The following EML3 variants were observed in gnomAD, a reference collection of about 807,000 sequenced individuals.
The protein encoded by EML3 is echinoderm microtubule-associated protein-like 3.
Under a neutral mutation model 106.7 loss-of-function variants are expected in EML3, and 53 were observed. The observed-to-expected ratio is 0.50, with a 90% confidence interval of 0.40 to 0.62. The LOEUF is 0.62. Ranked by LOEUF, EML3 falls within the 20% of genes least tolerant of loss-of-function variation. EML3 has a pLI of 0.00. For missense variants in EML3, 994 were observed against 1,209.1 expected, an observed-to-expected ratio of 0.82 and a Z score of 2.64; for synonymous variants, 499 against 489.6, an observed-to-expected ratio of 1.02 and a Z score of -0.25.
Position 62,611,504 on chromosome 11 carries a change from C to A in EML3, c.115G>T (p.Glu39Ter). 1 of 1,613,758 alleles carries A rather than the reference C, an allele frequency of 6.2e-7. No homozygotes were observed. The highest frequency in any genetic ancestry group is 8.5e-7 in the Non-Finnish European group (1 of 1,179,960). ...TGCAGCCGCAGCAGGCGAAGGGCTT[C>A]TGCCAGGGCTGCCTTTACCAGTTCC... ...EMELVKAALA[E>*]ALRLLRLQVP... Residue 39 changes from glutamate (E) to a stop codon, truncating the protein, a stop_gained, in exon 2 of 22, where the codon GAA (glutamate) becomes TAA (stop). Transcript: ENST00000394773. LOFTEE classifies it high-confidence loss of function.
intron 4 of EML3, among the ~76,000 whole-genome samples, chr11:62,610,287 A>G (rs1942744936): frequency 6.6e-6 from 1 of 152,212 alleles, no homozygotes; most frequent in African/African-American, 2.4e-5. Flanking sequence ...TTCAGAGAAT[A>G]AAGCACAGGC....
rs769678539 is a variant in EML3, at chr11:62,612,490, G to A, written c.-33C>T. ...CCGGGTTGCTCCGAGCGGCGGCGGCGGAGGAGGCGTCTAAGCCGCGGGGGC... is the reference window on the plus strand; with the variant it reads ...CCGGGTTGCTCCGAGCGGCGGCGGCAGAGGAGGCGTCTAAGCCGCGGGGGC... On this transcript the variant is annotated 5_prime_UTR_variant, in exon 1 of 22. Coordinates refer to ENST00000394773, the MANE Select transcript of EML3 (RefSeq NM_153265.3). 2 of 1,400,216 alleles carry A rather than the reference G, an allele frequency of 1.4e-6. No individual in the cohort carries two copies. Among genetic ancestry groups the A allele is most frequent in the Admixed American group, 3.3e-5 (1 of 30,308 alleles). The allele number at this position is 1,400,216 out of a possible 1,614,324, so 86.7% of individuals were successfully genotyped here.
intron 11 of EML3, 36 bp downstream of exon 11, chr11:62,607,630 G>C: frequency 6.3e-7 from 1 of 1,594,420 alleles, no homozygotes; most frequent in Non-Finnish European, 8.6e-7. Context: ...CTTCCACTCT[G>C]CCCTCCCCAT....
At position 62,602,443 on chromosome 11, in the gene EML3, C is replaced by T. The variant is rs1218104193; in HGVS notation, c.*32G>A. 7.8e-6 allele frequency: 12 copies of T among 1,545,052 alleles called. 1 individual carries two copies. The South Asian group carries it at 1.4e-4, about 18-fold the overall frequency. Reference sequence around the variant, plus strand: ...AAGGGCAGGGCGGGGCGGGGCCACGCCGCCGGGCCAGTCGGTCCCGCCAGG... The same window carrying T: ...AAGGGCAGGGCGGGGCGGGGCCACGTCGCCGGGCCAGTCGGTCCCGCCAGG... On this transcript the variant is annotated 3_prime_UTR_variant, in exon 22 of 22. Coordinates refer to ENST00000394773, the MANE Select transcript of EML3 (RefSeq NM_153265.3).
chr11:62,603,903 C>A, intron 18 of EML3, 41 bp downstream of exon 18: 1 of 1,612,848 alleles, frequency 6.2e-7, no homozygotes, highest in Non-Finnish European at 8.5e-7. Flanking sequence ...CTGAGTTTCG[C>A]AGCTGTTATC....
rs1170431640 is a variant in EML3, at chr11:62,611,062, CGCCACAGG to C, written c.452+17_452+24del. 3 of 1,601,812 alleles carry C rather than the reference CGCCACAGG, an allele frequency of 1.9e-6. No individual in the cohort carries two copies. Among genetic ancestry groups the C allele is most frequent in the Non-Finnish European group, 2.5e-6 (3 of 1,177,666 alleles). Reference sequence around the variant, plus strand: ...CAATCCTACCACCCCTCCCAGCTTCCGCCACAGGGCCACAGGACACCTACGTGTCAGCA... The same window carrying C: ...CAATCCTACCACCCCTCCCAGCTTCCGCCACAGGACACCTACGTGTCAGCA... On this transcript the variant is annotated intron_variant, in intron 3 of 21. Transcript: ENST00000394773.
At position 62,607,059 on chromosome 11, in the gene EML3, A is replaced by C. The variant is rs749885464; in HGVS notation, c.1403T>G (p.Leu468Arg). The C allele has an allele frequency of 6.2e-7, 1 of 1,614,168 alleles. No individual in the cohort carries two copies. The highest frequency in any genetic ancestry group is 8.5e-7 in the Non-Finnish European group (1 of 1,180,018). ...TCCAGTGAGAATGTCTCCATCCGGA[A>C]GGAACACAAAGCAAGGGATAAACTT... Reference protein sequence around the residue: ...KPKFIPCFVFLPDGDILTGDS... With the variant: ...KPKFIPCFVFRPDGDILTGDS... Residue 468 changes from leucine (L) to arginine (R), a missense_variant, in exon 12 of 22, where the codon CTT becomes CGT. This residue lies in a region of EML3 where 713 missense variants were observed against 920.5 expected (regional missense o/e 0.77). Transcript: ENST00000394773.
chr11:62,606,351 C>G, intron 12 of EML3, 137 bp from the exon 13 acceptor site: 1 of 979,236 alleles, frequency 1.0e-6, no homozygotes, highest in Non-Finnish European at 1.5e-6. Context: ...CTCATACTGC[C>G]AACACATCTG....
intron 12 of EML3, 110 bp from the exon 13 acceptor site, chr11:62,606,324 GACT>G: frequency 1.6e-6 from 2 of 1,265,352 alleles, no homozygotes; most frequent in Non-Finnish European, 2.2e-6. Context: ...TGCATGCACT[GACT>G]ACTATGTCTC....
chr11:62,612,665 C>T lies in EML3; in HGVS notation c.-208G>A. 1 of 409,114 alleles carries T rather than the reference C, an allele frequency of 2.4e-6. No homozygotes were observed. Among genetic ancestry groups the T allele is most frequent in the Non-Finnish European group, 4.2e-6 (1 of 238,934 alleles). 25.3% of individuals were successfully genotyped at this position (409,114 alleles called of 1,614,324 possible). A position where few individuals can be genotyped will look rare whatever the true frequency, so the allele number is the denominator to read the frequency against. ...CCGCAGTCTCCAGACCCCCCCGGGC[C>T]CTCGGACTCTCCCGGGGCCGCTCTC... On this transcript the variant is annotated 5_prime_UTR_variant, in exon 1 of 22. Transcript: ENST00000394773.
chr11:62,609,553 CA>C lies in EML3; in HGVS notation c.634+75del, dbSNP rs1942707113. On this transcript the variant is annotated intron_variant, in intron 5 of 21. Coordinates refer to ENST00000394773, the MANE Select transcript of EML3 (RefSeq NM_153265.3). ...CAGAACCCTACCCACCACACCTACC[CA>C]AAATAGCTCCTGGGGCTACAGCCCA... 6 of 1,557,274 alleles carry C rather than the reference CA, an allele frequency of 3.9e-6. No individual in the cohort carries two copies. In the East Asian group the frequency reaches 1.4e-4, roughly 36 times the overall value.
intron 11 of EML3, chr11:62,607,401 C>T (rs191114344): frequency 2.0e-4 from 92 of 459,814 alleles, no homozygotes; most frequent in East Asian, 1.9e-3. Flanking sequence ...AAAAATCAGC[C>T]GGCGCGCATC....
chr11:62,608,878 G>C, intron 7 of EML3, 73 bp from the exon 8 acceptor site: 1 of 1,582,050 alleles, frequency 6.3e-7, no homozygotes, highest in Non-Finnish European at 8.6e-7. Context: ...CAAGCTTGCA[G>C]AGCAGCAAGG....
In EML3 at chr11:62,611,165, C is replaced by A; in HGVS notation, c.374G>T (p.Gly125Val). The A allele has an allele frequency of 6.2e-7, 1 of 1,604,102 alleles. No individual in the cohort carries two copies. Residue 125 changes from glycine (G) to valine (V), a missense_variant, in exon 3 of 22, where the codon GGC becomes GTC. By Grantham distance (109) the Gly-to-Val change is moderately radical. This residue lies in a region of EML3 where 269 missense variants were observed against 265.1 expected (regional missense o/e 1.01). Transcript: ENST00000394773. ...GGAGCCAGCACCACTGCTGCTGCTG[C>A]CCCCTCCTTCAGATTGGGTCCCGCT... Reference protein sequence around the residue: ...EPSGTQSEGGGSSSSGAGSPG... With the variant: ...EPSGTQSEGGVSSSSGAGSPG...
At position 62,610,951 on chromosome 11, in the gene EML3, C is replaced by A; in HGVS notation, c.494G>T (p.Arg165Leu). ...NSSSSSSPSE[R>L]PRQKLSRKAI... ...CTTCCTGGAGAGCTTCTGCCGAGGC[C>A]GCTCTGAGGGGGATGAGGAGGAGGA... Residue 165 changes from arginine to leucine, a missense_variant, in exon 4 of 22, where the codon CGG becomes CTG. By Grantham distance (102) the Arg-to-Leu change is moderately radical. Around this residue, in one of 3 missense-constraint regions of EML3, gnomAD observed 269 missense variants for 265.1 expected, o/e 1.01. Coordinates refer to ENST00000394773, the MANE Select transcript of EML3 (RefSeq NM_153265.3). The A allele has an allele frequency of 6.2e-7, 1 of 1,613,634 alleles. No homozygotes were observed. Among genetic ancestry groups the A allele is most frequent in the Non-Finnish European group, 8.5e-7 (1 of 1,179,900 alleles).
rs1942834996 is a variant in EML3 at position 62,611,642 on chromosome 11, G to C, written c.23-46C>G. 3.2e-6 allele frequency: 5 copies of C among 1,571,594 alleles called. No homozygotes were observed. In the East Asian group the frequency reaches 1.1e-4, roughly 36 times the overall value. On this transcript the variant is annotated intron_variant, in intron 1 of 21. Coordinates refer to ENST00000394773, the MANE Select transcript of EML3 (RefSeq NM_153265.3). ...ACTCAGAATGTACCCATCACCTGAA[G>C]AAAGCGTAGAGGGGATTCTGTCTCC... is the stretch of plus-strand genomic sequence containing the variant.
At position 62,605,855 on chromosome 11, in the gene EML3, C is replaced by G. The variant is rs771345450; in HGVS notation, c.1782G>C (p.Gln594His). ...CTCCCCTGAGCCCTTAACCCCCAAC[C>G]TGGATTACAGGGGAGAAGCCCTGGG... ...DLAQGFSPVI[Q>H]GHTDELWGLC... Residue 594 changes from glutamine to histidine, a missense_variant and splice_region_variant, in exon 14 of 22, where the codon CAG becomes CAC. Gln to His is a conservative substitution (Grantham distance 24). Around this residue, in one of 3 missense-constraint regions of EML3, gnomAD observed 713 missense variants for 920.5 expected, o/e 0.77. Transcript: ENST00000394773. This position sits in a 1 kb window ranked among gnomAD's most constrained non-coding sequence, Gnocchi z 5.2. 3 of 1,613,958 alleles carry G rather than the reference C, an allele frequency of 1.9e-6. No homozygotes were observed. Among genetic ancestry groups the G allele is most frequent in the African/African-American group, 2.7e-5 (2 of 74,936 alleles).
At chr11:62,608,504 G>A (rs370385281) in intron 9 of EML3, 38 bp downstream of exon 9, 2 of 1,587,930 alleles carry the variant, frequency 1.3e-6, no homozygotes, top group Non-Finnish European at 1.7e-6. Context: ...GGGTTCCTAG[G>A]CAAGAATGGG....
chr11:62,602,248 G>T lies in EML3; in HGVS notation c.*227C>A. Reference sequence around the variant, plus strand: ...TTTGGTTCTGGTTTATTGCCCCTCAGCAGGCAGCGGGAGTCAAGGCCTAGG... The same window carrying T: ...TTTGGTTCTGGTTTATTGCCCCTCATCAGGCAGCGGGAGTCAAGGCCTAGG... On this transcript the variant is annotated 3_prime_UTR_variant, in exon 22 of 22. Coordinates refer to ENST00000394773, the MANE Select transcript of EML3 (RefSeq NM_153265.3). The T allele has an allele frequency of 1.3e-6, 2 of 1,544,468 alleles. No individual in the cohort carries two copies. The highest frequency in any genetic ancestry group is 1.7e-4 in the Middle Eastern group (1 of 5,956).
Sources: gnomAD v4.1 joint callset for allele counts (sites outside exome capture counted in the v4.1 genomes callset) on GRCh38, gnomAD v4.1.1 for gene constraint, gnomAD v4.1.1 regional missense constraint, Gnocchi (gnomAD v3.1) non-coding constraint, MANE v1.5 for transcripts, NCBI Gene and HGNC (gene_info 2026-07-23, HGNC 2026-07-21) for gene names.